RGS5: variants seen among roughly 807,000 people sequenced by gnomAD.
The protein encoded by RGS5 is regulator of G protein signaling 5.
RGS5 carries 20 observed loss-of-function variants against 18.9 expected under a neutral mutation model. That is an observed-to-expected ratio of 1.06 (90% CI 0.74 to 1.54). RGS5 has a LOEUF of 1.54. RGS5 is among the 40% of genes most tolerant of loss of function. The pLI is 0.00. For missense variants in RGS5, 201 were observed against 211.8 expected, an observed-to-expected ratio of 0.95 and a Z score of 0.32; for synonymous variants, 57 against 76.2, an observed-to-expected ratio of 0.75 and a Z score of 1.31.
At chr1:163,259,004 T>C (rs1053815970) in intron 2 of RGS5, among the ~76,000 whole-genome samples, 10 of 151,744 alleles carry the variant, frequency 6.6e-5, no homozygotes, top group Admixed American at 3.9e-4. Context: ...ACATGTAAAA[T>C]TACTAACATA....
chr1:163,311,726 A>G (rs917290154), intron 1 of RGS5, among the ~76,000 whole-genome samples: 1 of 152,178 alleles, frequency 6.6e-6, no homozygotes, highest in Admixed American at 6.5e-5. Context: ...CCCCAAAACA[A>G]TTATAATAGT....
At chr1:163,231,712 C>T (rs895960355) in intron 2 of RGS5, among the ~76,000 whole-genome samples, 9 of 148,154 alleles carry the variant, frequency 6.1e-5, no homozygotes, top group African/African-American at 2.2e-4. Flanking sequence ...GCTTATTAGT[C>T]CTCCTTTATC....
At chr1:163,215,790 C>T (rs1660202759) in intron 1 of RGS5, among the ~76,000 whole-genome samples, 1 of 152,080 alleles carries the variant, frequency 6.6e-6, no homozygotes. Flanking sequence ...TTGGGCCAGG[C>T]ACAGTGGCTC....
chr1:163,193,400 C>A (rs12119530), intron 1 of RGS5, among the ~76,000 whole-genome samples: 32,758 of 151,848 alleles, frequency 0.22, 4,070 homozygotes, highest in African/African-American at 0.35. Context: ...TGAAGGAGAA[C>A]AAAAATTCAG....
chr1:163,153,692 A>G (rs1657469896), intron 3 of RGS5, among the ~76,000 whole-genome samples: 1 of 151,486 alleles, frequency 6.6e-6, no homozygotes, highest in African/African-American at 2.4e-5. Flanking sequence ...ATATATAGAT[A>G]TAGTCTTTAA....
rs372734021 is a variant in RGS5, at chr1:163,208,324, A to G, written c.69+9202T>C. Among the ~76,000 whole-genome samples, 604 of 117,158 alleles carry G rather than the reference A, an allele frequency of 5.2e-3. 4 individuals carry two copies. Among genetic ancestry groups the G allele is most frequent in the African/African-American group, 0.016 (490 of 31,606 alleles). The allele number at this position is 117,158 out of a possible 152,430, so 76.9% of individuals were successfully genotyped here. On this transcript the variant is annotated intron_variant, in intron 1 of 5. Transcript: ENST00000367903. ...GATCCCGCCACTGCACTCCAGCCTGAGCGACAGAGCGAGACTCCGTCTCAA... is the reference window on the plus strand; with the variant it reads ...GATCCCGCCACTGCACTCCAGCCTGGGCGACAGAGCGAGACTCCGTCTCAA...
At chr1:163,303,561 G>C (rs1236335787) in intron 2 of RGS5, among the ~76,000 whole-genome samples, 1 of 152,166 alleles carries the variant, frequency 6.6e-6, no homozygotes, top group Admixed American at 6.5e-5. Flanking sequence ...AGGATGAAGA[G>C]AGCTTCTGTA....
At chr1:163,215,965 G>C (rs1436529532) in intron 1 of RGS5, among the ~76,000 whole-genome samples, 1 of 151,912 alleles carries the variant, frequency 6.6e-6, no homozygotes, top group Non-Finnish European at 1.5e-5. Flanking sequence ...CCTATATGCA[G>C]ACACCTAAAC....
chr1:163,176,388 A>G (rs755203661), intron 1 of RGS5, among the ~76,000 whole-genome samples: 44 of 152,326 alleles, frequency 2.9e-4, no homozygotes, highest in Non-Finnish European at 5.1e-4. Flanking sequence ...TTGGGAGGGC[A>G]AGGCGGGCAG....
intron 2 of RGS5, chr1:163,238,362 GTTTTC>G (rs952724100): frequency 2.6e-5 from 4 of 152,200 alleles, no homozygotes; most frequent in African/African-American, 9.6e-5. Context: ...AAATCCAAAT[GTTTTC>G]TTTTAACTAA....
At chr1:163,221,469 G>C (rs1042653991), upstream of RGS5, among the ~76,000 whole-genome samples, 3 of 151,490 alleles carry the variant, frequency 2.0e-5, no homozygotes, top group African/African-American at 7.3e-5. Flanking sequence ...CTGGGCAACA[G>C]AGCAAGACTA....
chr1:163,264,159 T>A (rs906501430), intron 2 of RGS5, among the ~76,000 whole-genome samples: 3 of 152,120 alleles, frequency 2.0e-5, no homozygotes, highest in Non-Finnish European at 4.4e-5. Flanking sequence ...TAAGGCATTA[T>A]ATCTTTAGAG....
rs1650175331 is a variant in RGS5 at position 163,320,798 on chromosome 1, G to A, written c.-378+824C>T. On this transcript the variant is annotated intron_variant, in intron 1 of 5. Transcript: ENST00000618415. ...TGAAATGTATTTTTATTTAGAATTG[G>A]TATAGACTTCACTATCAATAGGTTT... Among the ~76,000 whole-genome samples the A allele has an allele frequency of 2.6e-5, 4 of 152,272 alleles. No homozygotes were observed. In the South Asian group the frequency reaches 8.3e-4, roughly 32 times the overall value.
chr1:163,243,933 CTG>C (rs1647866368), intron 2 of RGS5, among the ~76,000 whole-genome samples: 1 of 152,196 alleles, frequency 6.6e-6, no homozygotes, highest in Middle Eastern at 3.4e-3. Flanking sequence ...GGCTCCTTCA[CTG>C]TGTAACTTTG....
At chr1:163,241,642 T>G (rs891561949) in intron 2 of RGS5, among the ~76,000 whole-genome samples, 2 of 152,214 alleles carry the variant, frequency 1.3e-5, no homozygotes, top group African/African-American at 4.8e-5. Flanking sequence ...ATTAAGTTGC[T>G]GATCCAATTC....
At chr1:163,203,027 T>C (rs1571286376), upstream of RGS5, 1 of 565,608 alleles carries the variant, frequency 1.8e-6, no homozygotes. Context: ...GCAGCAGCAG[T>C]GGGCCCTGAG....
chr1:163,158,448 T>C (rs1657672448), intron 3 of RGS5, among the ~76,000 whole-genome samples: 1 of 152,148 alleles, frequency 6.6e-6, no homozygotes, highest in Non-Finnish European at 1.5e-5. Flanking sequence ...ACGTAGCTTC[T>C]TTTCTATTTT....
intron 2 of RGS5, among the ~76,000 whole-genome samples, chr1:163,163,067 T>C (rs1318996423): frequency 6.6e-6 from 1 of 151,856 alleles, no homozygotes; most frequent in Non-Finnish European, 1.5e-5. Flanking sequence ...ATTATTCAGA[T>C]TTGCAGCTTT....
intron 1 of RGS5, among the ~76,000 whole-genome samples, chr1:163,316,127 G>A (rs564111253): frequency 1.3e-5 from 2 of 152,010 alleles, no homozygotes; most frequent in African/African-American, 2.4e-5. Context: ...AAAGCATTAC[G>A]CATTTTTACT....
Sources: allele counts gnomAD v4.1 joint callset (sites outside exome capture counted in the v4.1 genomes callset), GRCh38; gene constraint gnomAD v4.1.1; transcripts MANE v1.5; gene names NCBI Gene and HGNC (gene_info 2026-07-23, HGNC 2026-07-21).